PRKN: variants seen among roughly 807,000 people sequenced by gnomAD.
The protein encoded by PRKN is parkin RBR E3 ubiquitin protein ligase.
PRKN carries 56 observed loss-of-function variants against 59.5 expected under a neutral mutation model. The observed-to-expected ratio is 0.94, with a 90% CI of 0.76 to 1.18. PRKN has a LOEUF of 1.18. PRKN is among the 50% of genes most tolerant of loss of function. The probability of loss-of-function intolerance (pLI) is 0.00; values close to 1 mark genes in which losing one functional copy is unlikely to be tolerated. For synonymous variants in PRKN, 250 were observed against 222.1 expected (o/e 1.13, Z -1.12); for missense variants, 657 against 596.4 (o/e 1.10, Z -1.06).
intron 1 of PRKN, among the ~76,000 whole-genome samples, chr6:162,658,751 A>C (rs1778764810): frequency 2.0e-5 from 3 of 151,798 alleles, no homozygotes; most frequent in African/African-American, 4.8e-5. Flanking sequence ...CTGAACTTAA[A>C]TCATCTACAC....
intron 2 of PRKN, among the ~76,000 whole-genome samples, chr6:162,402,866 C>T (rs750228361): frequency 3.3e-5 from 5 of 151,846 alleles, no homozygotes; most frequent in African/African-American, 4.8e-5. Flanking sequence ...ATTGCCCGGG[C>T]TGGTTTCACA....
intron 1 of PRKN, among the ~76,000 whole-genome samples, chr6:162,565,697 AATACATACATAC>A (rs55883841): frequency 0.092 from 13,712 of 148,712 alleles, 769 homozygotes; most frequent in South Asian, 0.19. Context: ...TCTCAAAATA[AATACATACATAC>A]ATACATACAT....
chr6:161,977,098 A>C (rs1442549885), intron 5 of PRKN, among the ~76,000 whole-genome samples: 1 of 152,214 alleles, frequency 6.6e-6, no homozygotes, highest in African/African-American at 2.4e-5. Context: ...ATTTTTATGA[A>C]AGAATGTTTT....
At chr6:162,534,309 T>C (rs759446602) in intron 1 of PRKN, among the ~76,000 whole-genome samples, 4 of 152,170 alleles carry the variant, frequency 2.6e-5, no homozygotes, top group Non-Finnish European at 5.9e-5. Flanking sequence ...AGCTTCTTCC[T>C]GCTGGTACCT....
chr6:161,443,674 A>G (rs1789355462), intron 9 of PRKN, among the ~76,000 whole-genome samples: 1 of 152,188 alleles, frequency 6.6e-6, no homozygotes, highest in African/African-American at 2.4e-5. Context: ...AATGGTCATA[A>G]CCATTTAAAA....
At chr6:161,528,064 T>C (rs1347898464) in intron 9 of PRKN, among the ~76,000 whole-genome samples, 4 of 152,196 alleles carry the variant, frequency 2.6e-5, no homozygotes, top group Non-Finnish European at 5.9e-5. Flanking sequence ...ATACTTAACA[T>C]ATATTTGTGG....
chr6:161,596,061 G>T (rs976758295), intron 7 of PRKN, among the ~76,000 whole-genome samples: 7 of 152,188 alleles, frequency 4.6e-5, no homozygotes, highest in Non-Finnish European at 1.0e-4. Flanking sequence ...GGGTCGGGGT[G>T]AGGAGTGGGG....
At chr6:162,710,374 A>ACACACACACACACAC (rs1778486499) in intron 1 of PRKN, among the ~76,000 whole-genome samples, 1 of 125,238 alleles carries the variant, frequency 8.0e-6, no homozygotes, top group African/African-American at 3.4e-5. Flanking sequence ...ACCCCCTACA[A>ACACACACACACACAC]ACACACACAC....
At chr6:162,441,550 T>C (rs535835710) in intron 2 of PRKN, among the ~76,000 whole-genome samples, 2 of 152,266 alleles carry the variant, frequency 1.3e-5, no homozygotes, top group South Asian at 2.1e-4. Flanking sequence ...TATTCTTATA[T>C]TATAGCTATT....
intron 4 of PRKN, among the ~76,000 whole-genome samples, chr6:162,141,628 A>G (rs1349056131): frequency 6.6e-6 from 1 of 152,234 alleles, no homozygotes; most frequent in Non-Finnish European, 1.5e-5. Flanking sequence ...CAAATTACCC[A>G]TGGCAGTCAA....
At chr6:162,616,468 A>G (rs1449726815) in intron 1 of PRKN, among the ~76,000 whole-genome samples, 1 of 152,210 alleles carries the variant, frequency 6.6e-6, no homozygotes, top group East Asian at 1.9e-4. Context: ...TATAAAAAGA[A>G]TAAAACTTAC....
intron 4 of PRKN, among the ~76,000 whole-genome samples, chr6:162,140,450 C>T (rs560524725): frequency 7.2e-5 from 11 of 152,192 alleles, no homozygotes; most frequent in Non-Finnish European, 1.2e-4. Context: ...GAAAAGCAAT[C>T]GTGACAACTG....
rs1194376211 is a variant in PRKN at position 161,566,985 on chromosome 6, T to C, written c.933+2370A>G. On this transcript the variant is annotated intron_variant, in intron 8 of 11. Coordinates refer to ENST00000366898, the MANE Select transcript of PRKN (RefSeq NM_004562.3). The surrounding 1 kb of genome is among the most constrained non-coding windows in gnomAD (Gnocchi z 4.1). ...TGAAACTTTCCCTGACCACCTTATA[T>C]AAAATTTCACCTCTTCCTCCAGTAT... Among the ~76,000 whole-genome samples the C allele has an allele frequency of 1.3e-5, 2 of 151,306 alleles. No individual in the cohort carries two copies. Among genetic ancestry groups the C allele is most frequent in the Non-Finnish European group, 2.9e-5 (2 of 67,876 alleles).
intron 4 of PRKN, among the ~76,000 whole-genome samples, chr6:162,151,876 A>G (rs1481143406): frequency 1.3e-5 from 2 of 151,366 alleles, no homozygotes. Context: ...AACTGCCCAG[A>G]GTTACAGGAT....
intron 2 of PRKN, among the ~76,000 whole-genome samples, chr6:162,284,061 C>A (rs1013276630): frequency 4.6e-5 from 7 of 152,000 alleles, no homozygotes; most frequent in Non-Finnish European, 7.4e-5. Context: ...CTGAGAACTT[C>A]ATGAATGGCA....
At chr6:162,163,821 AGC>A (rs5881455) in intron 4 of PRKN, among the ~76,000 whole-genome samples, 63,286 of 147,456 alleles carry the variant, frequency 0.43, 16,390 homozygotes, top group East Asian at 0.57. Flanking sequence ...CATGGTGCCC[AGC>A]GCACGTCTCC....
intron 5 of PRKN, among the ~76,000 whole-genome samples, chr6:161,999,183 C>T (rs1342651502): frequency 6.6e-6 from 1 of 152,048 alleles, no homozygotes; most frequent in African/African-American, 2.4e-5. Flanking sequence ...CCACAGTGAG[C>T]TATCAAGTCT....
At chr6:162,466,102 A>G (rs1791401881) in intron 1 of PRKN, among the ~76,000 whole-genome samples, 1 of 152,220 alleles carries the variant, frequency 6.6e-6, no homozygotes, top group African/African-American at 2.4e-5. Context: ...ATAAAGAAAC[A>G]TGCCCAGCTT....
chr6:162,478,869 G>A (rs1425391169), intron 1 of PRKN, among the ~76,000 whole-genome samples: 2 of 152,048 alleles, frequency 1.3e-5, no homozygotes, highest in African/African-American at 2.4e-5. Flanking sequence ...GTAAAAAATG[G>A]GACACTCGTC....
Sources: gnomAD v4.1 joint callset for allele counts (sites outside exome capture counted in the v4.1 genomes callset) on GRCh38, gnomAD v4.1.1 for gene constraint, Gnocchi (gnomAD v3.1) non-coding constraint, MANE v1.5 for transcripts, NCBI Gene and HGNC (gene_info 2026-07-23, HGNC 2026-07-21) for gene names.